The following ADGRB1 variants were observed in gnomAD, a reference collection of about 807,000 sequenced individuals.
ADGRB1 encodes adhesion G protein-coupled receptor B1, also known as brain-specific angiogenesis inhibitor 1.
ADGRB1 carries 36 observed loss-of-function variants against 175.7 expected under a neutral mutation model. That is an observed-to-expected ratio of 0.20 (90% CI 0.16 to 0.27). ADGRB1 has a LOEUF of 0.27. ADGRB1 is among the 10% of genes least tolerant of loss of function. The pLI, the probability that ADGRB1 is intolerant of heterozygous loss-of-function variation, is 1.00. For missense variants in ADGRB1, 1,731 were observed against 2,255.3 expected (o/e 0.77, Z 4.71); for synonymous variants, 1,054 against 979.4 (o/e 1.08, Z -1.42).
At chr8:142,482,483 G>A in intron 11 of ADGRB1, among the ~76,000 whole-genome samples, 2 of 140,844 alleles carry the variant, frequency 1.4e-5, no homozygotes, top group East Asian at 2.2e-4. Context: ...CCTGATCCTG[G>A]TCACACGCTG....
At chr8:142,540,141 C>T (rs759269937) in intron 27 of ADGRB1, 1 of 152,454 alleles carries the variant, frequency 6.6e-6, no homozygotes, top group South Asian at 2.1e-4. Context: ...GGACCATGCT[C>T]CCTCTGGTCA....
At chr8:142,491,306 C>T (rs996692182) in intron 17 of ADGRB1, among the ~76,000 whole-genome samples, 98 of 152,226 alleles carry the variant, frequency 6.4e-4, no homozygotes, top group Admixed American at 2.7e-3. Flanking sequence ...GCAGGCCAAG[C>T]ACTTGTTGGG....
At chr8:142,525,309 C>T (rs1360830089) in intron 23 of ADGRB1, among the ~76,000 whole-genome samples, 1 of 151,644 alleles carries the variant, frequency 6.6e-6, no homozygotes, top group Non-Finnish European at 1.5e-5. Context: ...CTGGCGGTAC[C>T]CCAGGCACCT....
chr8:142,466,697 CA>C (rs1470679870), intron 2 of ADGRB1, among the ~76,000 whole-genome samples: 2 of 152,110 alleles, frequency 1.3e-5, no homozygotes, highest in Non-Finnish European at 2.9e-5. Context: ...GGATGAGTGT[CA>C]GGGGGACTGG....
At chr8:142,524,952 A>C (rs2132154209) in intron 23 of ADGRB1, among the ~76,000 whole-genome samples, 1 of 151,226 alleles carries the variant, frequency 6.6e-6, no homozygotes, top group Admixed American at 6.6e-5. Context: ...CCACCTCTCT[A>C]CTCTGGCAGA....
chr8:142,488,992 T>C, intron 14 of ADGRB1, 43 bp from the exon 15 acceptor site: 1 of 1,594,482 alleles, frequency 6.3e-7, no homozygotes, highest in South Asian at 1.1e-5. Flanking sequence ...CCACCCTGGC[T>C]GTGGGGATGG....
intron 2 of ADGRB1, among the ~76,000 whole-genome samples, chr8:142,470,502 ATGTGTCCCTGTGTG>A (rs1161868305): frequency 2.7e-5 from 4 of 150,570 alleles, no homozygotes; most frequent in African/African-American, 4.9e-5. Context: ...AATTTAGTGT[ATGTGTCCCTGTGTG>A]TGTGTCCCTC....
Position 142,493,087 on chromosome 8 carries a change from A to T in ADGRB1, c.2675+2272A>T, listed in dbSNP as rs1842057232. On this transcript the variant is annotated intron_variant, in intron 17 of 30. Transcript: ENST00000517894. This position sits in a 1 kb window ranked among gnomAD's most constrained non-coding sequence, Gnocchi z 5.0. ...CCGTACTTCTGATTGCTCCCTGGGG[A>T]TCAGTCCCCAGGCAGTCTTGTCAGG... 6.6e-6 allele frequency among the ~76,000 whole-genome samples: 1 copy of T among 151,634 alleles called. No homozygotes were observed. The highest frequency in any genetic ancestry group is 6.6e-5 in the Admixed American group (1 of 15,252).
At position 142,542,981 on chromosome 8, in the gene ADGRB1, T is replaced by C. The variant is rs1344769859; in HGVS notation, c.4413+334T>C. 6.6e-6 allele frequency among the ~76,000 whole-genome samples: 1 copy of C among 152,206 alleles called. No homozygotes were observed. The highest frequency in any genetic ancestry group is 1.5e-5 in the Non-Finnish European group (1 of 68,016). Reference sequence around the variant, plus strand: ...TACCTGCCTAGGTCAGCCTGGAGCCTGCAGCTGACCCAGCCTCAGTCAGCC... The same window carrying C: ...TACCTGCCTAGGTCAGCCTGGAGCCCGCAGCTGACCCAGCCTCAGTCAGCC... On this transcript the variant is annotated intron_variant, in intron 28 of 30. Transcript: ENST00000517894. This position sits in a 1 kb window ranked among gnomAD's most constrained non-coding sequence, Gnocchi z 6.3.
chr8:142,524,880 G>T (rs1003288445), intron 23 of ADGRB1, among the ~76,000 whole-genome samples: 1 of 152,020 alleles, frequency 6.6e-6, no homozygotes, highest in Non-Finnish European at 1.5e-5. Context: ...CGGCAGCCTG[G>T]GGGACCCGCC....
At chr8:142,527,959 C>G (rs997154540) in intron 24 of ADGRB1, among the ~76,000 whole-genome samples, 3 of 152,232 alleles carry the variant, frequency 2.0e-5, no homozygotes, top group East Asian at 1.9e-4. Context: ...TGCACTCTGC[C>G]CACCTCACCC....
At chr8:142,503,068 G>A (rs1016313686) in intron 17 of ADGRB1, among the ~76,000 whole-genome samples, 2 of 151,858 alleles carry the variant, frequency 1.3e-5, no homozygotes, top group Non-Finnish European at 2.9e-5. Flanking sequence ...TGGCCTCAGT[G>A]GTAGCTATGA....
intron 19 of ADGRB1, 60 bp downstream of exon 19, chr8:142,518,301 C>T: frequency 6.4e-7 from 1 of 1,560,940 alleles, no homozygotes; most frequent in Non-Finnish European, 8.8e-7. Flanking sequence ...CACGCCTCTT[C>T]CCTTGAAGGT....
At chr8:142,529,190 C>T (rs967741126) in intron 24 of ADGRB1, among the ~76,000 whole-genome samples, 1 of 152,200 alleles carries the variant, frequency 6.6e-6, no homozygotes, top group African/African-American at 2.4e-5. Flanking sequence ...GAGAGCATGG[C>T]TAGGTGTGTG....
chr8:142,536,930 C>A (rs1005495739), intron 25 of ADGRB1, 57 bp from the exon 26 acceptor site: 3 of 1,442,542 alleles, frequency 2.1e-6, no homozygotes, highest in Admixed American at 2.1e-5. Context: ...TCTGATCTGG[C>A]GCTGGCGCAG....
In ADGRB1 at chr8:142,541,996, G is replaced by A; in HGVS notation, c.3762G>A (p.Lys1254=). 6.3e-7 allele frequency: 1 copy of A among 1,589,730 alleles called. No homozygotes were observed. Among genetic ancestry groups the A allele is most frequent in the South Asian group, 1.1e-5 (1 of 88,258 alleles). The change falls in exon 28 of 31, where the codon AAG becomes AAA. Residue 1254 remains lysine (K), a synonymous_variant. Coordinates refer to ENST00000517894, the MANE Select transcript of ADGRB1 (RefSeq NM_001702.3). ...CRTATITGTL[K]RPSLPEEEKL... is the part of the protein sequence containing the mutation. ...CTGCCACCATCACGGGCACACTGAA[G>A]CGGCCGTCTCTGCCCGAGGAGGAGA...
chr8:142,453,460 C>T (rs897084572), intron 1 of ADGRB1, among the ~76,000 whole-genome samples: 1 of 152,190 alleles, frequency 6.6e-6, no homozygotes, highest in Non-Finnish European at 1.5e-5. Context: ...TTGTTAACCC[C>T]TCCGGGCCCG....
intron 2 of ADGRB1, among the ~76,000 whole-genome samples, chr8:142,471,231 G>C (rs2131738906): frequency 6.6e-6 from 1 of 152,326 alleles, no homozygotes; most frequent in East Asian, 1.9e-4. Flanking sequence ...GGCCCCATGG[G>C]AATGATATGC....
chr8:142,539,578 C>A, intron 27 of ADGRB1, 165 bp downstream of exon 27: 1 of 822,688 alleles, frequency 1.2e-6, no homozygotes, highest in Non-Finnish European at 1.9e-6. Context: ...AGGGGACCTG[C>A]CCTGGGGGCC....
Sources: gnomAD v4.1 joint callset for allele counts (sites outside exome capture counted in the v4.1 genomes callset) on GRCh38, gnomAD v4.1.1 for gene constraint, Gnocchi (gnomAD v3.1) non-coding constraint, MANE v1.5 for transcripts, NCBI Gene and HGNC (gene_info 2026-07-23, HGNC 2026-07-21) for gene names.